The following KALRN variants were observed in gnomAD, a reference collection of about 807,000 sequenced individuals.
The protein encoded by KALRN is kalirin RhoGEF kinase.
A neutral mutation model predicts 353.7 loss-of-function variants in KALRN; 70 were observed. That is an observed-to-expected ratio of 0.20 (90% CI 0.16 to 0.24). The LOEUF (loss-of-function observed/expected upper bound fraction) is 0.24. Ranked by LOEUF, KALRN falls within the 10% of genes least tolerant of loss-of-function variation. The pLI, the probability that KALRN is intolerant of heterozygous loss-of-function variation, is 1.00. For missense variants in KALRN, 2,791 were observed against 3,756.7 expected, an observed-to-expected ratio of 0.74 and a Z score of 6.72; for synonymous variants, 1,391 against 1,434.8, an observed-to-expected ratio of 0.97 and a Z score of 0.69.
intron 34 of KALRN, among the ~76,000 whole-genome samples, chr3:124,604,520 T>C (rs1457384732): frequency 6.6e-6 from 1 of 152,186 alleles, no homozygotes; most frequent in East Asian, 1.9e-4. Context: ...GATGAGCTCA[T>C]GAAAGCCCTA....
intron 1 of KALRN, among the ~76,000 whole-genome samples, chr3:124,080,844 A>G (rs2060503498): frequency 2.6e-5 from 4 of 152,206 alleles, no homozygotes. Flanking sequence ...TATTAAGCCC[A>G]CTATACCAGT....
chr3:124,248,959 A>G (rs981569044), intron 3 of KALRN, among the ~76,000 whole-genome samples: 1 of 152,262 alleles, frequency 6.6e-6, no homozygotes, highest in African/African-American at 2.4e-5. Context: ...CCAGACCATA[A>G]GCTGTTTTCC....
At chr3:124,339,921 C>G (rs2081515245) in intron 9 of KALRN, among the ~76,000 whole-genome samples, 3 of 152,302 alleles carry the variant, frequency 2.0e-5, no homozygotes, top group South Asian at 2.1e-4. Context: ...GGTGAGGAAT[C>G]AGAGAGGTGA....
At chr3:124,312,426 G>T (rs1248972232) in intron 6 of KALRN, among the ~76,000 whole-genome samples, 1 of 152,198 alleles carries the variant, frequency 6.6e-6, no homozygotes, top group Non-Finnish European at 1.5e-5. Flanking sequence ...CTCCCAAAAT[G>T]CTGGGATCAC....
At chr3:124,388,499 T>C (rs930497290) in intron 11 of KALRN, among the ~76,000 whole-genome samples, 1 of 152,188 alleles carries the variant, frequency 6.6e-6, no homozygotes, top group African/African-American at 2.4e-5. Flanking sequence ...CTAGAGATAC[T>C]ACTGTGTCTG....
intron 34 of KALRN, among the ~76,000 whole-genome samples, chr3:124,566,048 C>T (rs1469797390): frequency 6.6e-6 from 1 of 152,198 alleles, no homozygotes; most frequent in African/African-American, 2.4e-5. Context: ...ACCAGCAGTG[C>T]CTATCACCCA....
intron 51 of KALRN, among the ~76,000 whole-genome samples, chr3:124,685,591 G>A (rs2061521227): frequency 1.3e-5 from 2 of 152,206 alleles, no homozygotes. Flanking sequence ...CTCTTTTGCT[G>A]CACATCTGTT....
At chr3:124,565,047 A>G (rs940648833) in intron 34 of KALRN, among the ~76,000 whole-genome samples, 4 of 152,180 alleles carry the variant, frequency 2.6e-5, no homozygotes, top group African/African-American at 7.2e-5. Flanking sequence ...TTAACTGTGA[A>G]CTCAGAACAT....
chr3:124,530,836 G>A (rs138245054), intron 33 of KALRN, among the ~76,000 whole-genome samples: 78 of 151,934 alleles, frequency 5.1e-4, no homozygotes, highest in African/African-American at 1.8e-3. Context: ...CAAAGTTCCC[G>A]GACTCCTACC....
intron 5 of KALRN, among the ~76,000 whole-genome samples, chr3:124,286,865 G>C (rs2075961347): frequency 6.6e-6 from 1 of 151,820 alleles, no homozygotes; most frequent in African/African-American, 2.4e-5. Flanking sequence ...ATTTTTCTCT[G>C]TCTCTTTATA....
intron 34 of KALRN, among the ~76,000 whole-genome samples, chr3:124,608,116 T>A (rs1389470264): frequency 6.6e-6 from 1 of 151,556 alleles, no homozygotes; most frequent in Non-Finnish European, 1.5e-5. Context: ...CAAGTGATTC[T>A]CCCACCTCAA....
In KALRN at chr3:124,561,718, A is replaced by G. The variant is rs565259196; in HGVS notation, c.4936-1125A>G. 2.6e-5 allele frequency among the ~76,000 whole-genome samples: 4 copies of G among 152,324 alleles called. No homozygotes were observed. In the East Asian group the frequency reaches 5.8e-4, roughly 22 times the overall value. Reference sequence around the variant, plus strand: ...GAAGTCGAATTCCTGGAGGTGGTGCAAGGACTTTGCCTCCAAACTGCTTTT... The same window carrying G: ...GAAGTCGAATTCCTGGAGGTGGTGCGAGGACTTTGCCTCCAAACTGCTTTT... On this transcript the variant is annotated intron_variant, in intron 33 of 59. Coordinates refer to ENST00000682506, the MANE Select transcript of KALRN (RefSeq NM_001388419.1).
Position 124,715,896 on chromosome 3 carries a change from T to G in KALRN, c.8277-1351T>G, listed in dbSNP as rs2063113958. ...ACTTACCTATGCTACCAATTATGCT[T>G]AAATGCTTCATCATCTCACTCCATC... On this transcript the variant is annotated intron_variant, in intron 58 of 59. Coordinates refer to ENST00000682506, the MANE Select transcript of KALRN (RefSeq NM_001388419.1). 2.6e-5 allele frequency among the ~76,000 whole-genome samples: 4 copies of G among 152,322 alleles called. No homozygotes were observed. In the South Asian group the frequency reaches 8.3e-4, roughly 32 times the overall value.
At chr3:124,090,471 C>G (rs776120012) in intron 1 of KALRN, among the ~76,000 whole-genome samples, 1 of 152,226 alleles carries the variant, frequency 6.6e-6, no homozygotes, top group Non-Finnish European at 1.5e-5. Flanking sequence ...TGTGGCAGAA[C>G]GAAGGCTTTC....
chr3:124,269,131 A>G lies in KALRN; in HGVS notation c.845A>G (p.Lys282Arg). 6.2e-7 allele frequency: 1 copy of G among 1,613,472 alleles called. No individual in the cohort carries two copies. Among genetic ancestry groups the G allele is most frequent in the Non-Finnish European group, 8.5e-7 (1 of 1,179,876 alleles). ...GCTGACTTCCAGAGCCTGGTGCCCA[A>G]GATCACCAGTCTCCTGGACAAGCTG... ...GSADFQSLVPKITSLLDKLHS... is the reference protein window; with the variant it reads ...GSADFQSLVPRITSLLDKLHS... The change falls in exon 5 of 60, where the codon AAG becomes AGG. Residue 282 changes from lysine to arginine, a missense_variant. By Grantham distance (26) the Lys-to-Arg change is conservative. This residue lies in a region of KALRN where 366 missense variants were observed against 489.2 expected (regional missense o/e 0.75). Transcript: ENST00000682506.
At chr3:124,682,130 G>T (rs1408992835) in intron 51 of KALRN, among the ~76,000 whole-genome samples, 1 of 152,168 alleles carries the variant, frequency 6.6e-6, no homozygotes, top group Non-Finnish European at 1.5e-5. Flanking sequence ...TTATTGCAAT[G>T]TACACTGCAG....
intron 5 of KALRN, among the ~76,000 whole-genome samples, chr3:124,286,098 T>TCTTC (rs1560462835): frequency 7.0e-6 from 1 of 143,770 alleles, no homozygotes; most frequent in Non-Finnish European, 1.5e-5. Context: ...TTTCTTTCTT[T>TCTTC]CTTTCTTTCT....
At chr3:124,371,002 A>G (rs1409760100) in intron 10 of KALRN, among the ~76,000 whole-genome samples, 2 of 152,198 alleles carry the variant, frequency 1.3e-5, no homozygotes, top group African/African-American at 4.8e-5. Context: ...CCTTTAGGGC[A>G]TTGTCCCCAT....
At chr3:124,235,486 C>T (rs2079641937) in intron 3 of KALRN, among the ~76,000 whole-genome samples, 6 of 86,512 alleles carry the variant, frequency 6.9e-5, no homozygotes. Context: ...GTGTGGGAGA[C>T]ACGCCAAGGA....
Sources: gnomAD v4.1 joint callset for allele counts (sites outside exome capture counted in the v4.1 genomes callset) on GRCh38, gnomAD v4.1.1 for gene constraint, gnomAD v4.1.1 regional missense constraint, MANE v1.5 for transcripts, NCBI Gene and HGNC (gene_info 2026-07-23, HGNC 2026-07-21) for gene names.